The following MED1 variants were observed in gnomAD, a reference collection of about 807,000 sequenced individuals.
MED1 encodes mediator of RNA polymerase II transcription subunit 1.
MED1 carries 17 observed loss-of-function variants against 121.3 expected under a neutral mutation model. The observed-to-expected ratio is 0.14, with a 90% CI of 0.10 to 0.21. The LOEUF (loss-of-function observed/expected upper bound fraction) is 0.21. Among genes scored for constraint, MED1 ranks in the 10% least tolerant of loss-of-function variants. The probability of loss-of-function intolerance (pLI) is 1.00; values close to 1 mark genes in which losing one functional copy is unlikely to be tolerated. For synonymous variants in MED1, 661 were observed against 694.4 expected (o/e 0.95, Z 0.76); for missense variants, 1,558 against 1,919.4 (o/e 0.81, Z 3.52).
chr17:39,415,809 C>A (rs2048403568), intron 14 of MED1, among the ~76,000 whole-genome samples: 1 of 113,120 alleles, frequency 8.8e-6, no homozygotes, highest in South Asian at 3.2e-4. Flanking sequence ...AGTAAGACTC[C>A]ATCTCAAAAA....
chr17:39,405,117 GCTT>G lies in MED1; in HGVS notation c.*2355_*2357del. 14 of 1,283,652 alleles carry G rather than the reference GCTT, an allele frequency of 1.1e-5. No homozygotes were observed. Among genetic ancestry groups the G allele is most frequent in the Non-Finnish European group, 1.5e-5 (14 of 958,084 alleles). The allele number at this position is 1,283,652 out of a possible 1,614,324, so 79.5% of individuals were successfully genotyped here. A position where few individuals can be genotyped will look rare whatever the true frequency, so the allele number is the denominator to read the frequency against. Reference sequence around the variant, plus strand: ...CCTAGACAGGAGGGAGGTGTCCCAGGCTTGGTTTATTCTGCCTCTTCTCCTCCA... The same window carrying G: ...CCTAGACAGGAGGGAGGTGTCCCAGGGGTTTATTCTGCCTCTTCTCCTCCA... On this transcript the variant is annotated 3_prime_UTR_variant, in exon 17 of 17. Coordinates refer to ENST00000300651, the MANE Select transcript of MED1 (RefSeq NM_004774.4).
chr17:39,433,710 C>A (rs1387923099), intron 7 of MED1, among the ~76,000 whole-genome samples: 1 of 151,936 alleles, frequency 6.6e-6, no homozygotes, highest in Non-Finnish European at 1.5e-5. Context: ...CCCATCACCA[C>A]CCATCTAAGC....
intron 2 of MED1, among the ~76,000 whole-genome samples, chr17:39,446,677 C>T (rs762668835): frequency 6.7e-6 from 1 of 149,530 alleles, no homozygotes; most frequent in Non-Finnish European, 1.5e-5. Context: ...GGGAGGCTGA[C>T]GCAGGGGAAT....
At position 39,410,468 on chromosome 17, in the gene MED1, G is replaced by C. The variant is rs768222971; in HGVS notation, c.1753C>G (p.Arg585Gly). The C allele has an allele frequency of 2.5e-5, 41 of 1,613,952 alleles. No individual in the cohort carries two copies. The highest frequency in any genetic ancestry group is 3.3e-5 in the Non-Finnish European group (39 of 1,180,034). The part of the protein sequence containing the change: ...LFNMSMSIKD[R>G]HESVGHGEDF... Reference sequence around the variant, plus strand: ...TCCCCATGGCCCACCGACTCATGCCGATCTTTGATGCTCATGCTCATATTA... The same window carrying C: ...TCCCCATGGCCCACCGACTCATGCCCATCTTTGATGCTCATGCTCATATTA... The change falls in exon 17 of 17, where the codon CGG (arginine) becomes GGG (glycine). Residue 585 changes from arginine to glycine, a missense_variant. Coordinates refer to ENST00000300651, the MANE Select transcript of MED1 (RefSeq NM_004774.4).
intron 13 of MED1, among the ~76,000 whole-genome samples, chr17:39,420,622 C>T (rs990606819): frequency 2.6e-4 from 40 of 151,798 alleles, no homozygotes; most frequent in African/African-American, 9.4e-4. Flanking sequence ...GGTTTTGGAA[C>T]GTTCCCTTAT....
intron 9 of MED1, among the ~76,000 whole-genome samples, chr17:39,428,446 T>C (rs2048534974): frequency 1.3e-5 from 2 of 152,046 alleles, no homozygotes; most frequent in Non-Finnish European, 1.5e-5. Flanking sequence ...ATCATGCCAC[T>C]GCACTCCAGC....
At chr17:39,446,477 A>G (rs1385508269) in intron 2 of MED1, among the ~76,000 whole-genome samples, 2 of 140,546 alleles carry the variant, frequency 1.4e-5, no homozygotes, top group Non-Finnish European at 3.1e-5. Context: ...AACGATTTCT[A>G]CAAAAAATAT....
At chr17:39,438,295 C>T (rs1346507923) in intron 6 of MED1, among the ~76,000 whole-genome samples, 4 of 151,168 alleles carry the variant, frequency 2.6e-5, no homozygotes, top group African/African-American at 7.3e-5. Context: ...CTCAGCCTCC[C>T]GAGTAGCTGG....
At chr17:39,420,923 G>A (rs1246481198) in intron 13 of MED1, among the ~76,000 whole-genome samples, 1 of 149,162 alleles carries the variant, frequency 6.7e-6, no homozygotes, top group African/African-American at 2.5e-5. Context: ...AGCCTCCCAA[G>A]TAGCTGGGAC....
At chr17:39,441,792 A>C (rs1299120428) in intron 3 of MED1, among the ~76,000 whole-genome samples, 1 of 151,138 alleles carries the variant, frequency 6.6e-6, no homozygotes, top group African/African-American at 2.4e-5. Flanking sequence ...AGAAAACAAA[A>C]AAAGGTAAAG....
chr17:39,446,524 G>A (rs1161499735), intron 2 of MED1, among the ~76,000 whole-genome samples: 3 of 148,784 alleles, frequency 2.0e-5, no homozygotes, highest in South Asian at 2.1e-4. Context: ...AGTGGCTCAC[G>A]CCTGTAATCC....
At chr17:39,432,636 C>T (rs1025058362) in intron 7 of MED1, among the ~76,000 whole-genome samples, 9 of 151,596 alleles carry the variant, frequency 5.9e-5, no homozygotes, top group Admixed American at 2.6e-4. Flanking sequence ...CGCCTGTAGT[C>T]CCAGCTACTT....
chr17:39,443,247 A>C (rs1053433948), intron 3 of MED1, among the ~76,000 whole-genome samples: 5 of 151,484 alleles, frequency 3.3e-5, no homozygotes, highest in Admixed American at 2.0e-4. Flanking sequence ...TGATCCGCCC[A>C]CCTCAGCCTC....
intron 13 of MED1, among the ~76,000 whole-genome samples, chr17:39,421,076 G>A (rs773221320): frequency 4.0e-5 from 6 of 151,198 alleles, no homozygotes; most frequent in African/African-American, 7.3e-5. Context: ...GATTACAGGC[G>A]TGAGCCACCG....
rs758153636 is a variant in MED1, at chr17:39,443,535, A to C, written c.211+15T>G. The C allele has an allele frequency of 1.2e-6, 2 of 1,605,962 alleles. No individual in the cohort carries two copies. Among genetic ancestry groups the C allele is most frequent in the Admixed American group, 3.3e-5 (2 of 59,954 alleles). ...GGTTTTGTGAAATCAGCATATTTCA[A>C]AAGTGTTCACAAACCTTTGAGAGCC... On this transcript the variant is annotated intron_variant, in intron 3 of 16. Coordinates refer to ENST00000300651, the MANE Select transcript of MED1 (RefSeq NM_004774.4).
intron 1 of MED1, among the ~76,000 whole-genome samples, 172 bp from the exon 2 acceptor site, chr17:39,448,076 C>T (rs1294452539): frequency 6.6e-6 from 1 of 151,606 alleles, no homozygotes; most frequent in African/African-American, 2.4e-5. Context: ...GGCAAGATGA[C>T]ACACAAGTTA....
intron 10 of MED1, among the ~76,000 whole-genome samples, chr17:39,426,516 G>A (rs1466591199): frequency 6.6e-6 from 1 of 152,088 alleles, no homozygotes; most frequent in Admixed American, 6.6e-5. Context: ...GCTACAAAGG[G>A]ACCTAAGGAG....
At chr17:39,431,350 T>G in intron 8 of MED1, 162 bp from the exon 9 acceptor site, 1 of 509,514 alleles carries the variant, frequency 2.0e-6, no homozygotes, top group Non-Finnish European at 3.5e-6. Flanking sequence ...CAATCTCAGC[T>G]CACCGCAACC....
chr17:39,448,369 CAA>C (rs1016148899), intron 1 of MED1, among the ~76,000 whole-genome samples: 2 of 138,740 alleles, frequency 1.4e-5, no homozygotes. Flanking sequence ...AACACTGTCT[CAA>C]AAAAAAAAAG....
Sources: gnomAD v4.1 joint callset for allele counts (sites outside exome capture counted in the v4.1 genomes callset) on GRCh38, gnomAD v4.1.1 for gene constraint, MANE v1.5 for transcripts, NCBI Gene and HGNC (gene_info 2026-07-23, HGNC 2026-07-21) for gene names.